Variants in SLC37A1 observed in about 807,000 individuals in gnomAD.
The protein encoded by SLC37A1 is solute carrier family 37 member 1, also known as glucose-6-phosphate exchanger SLC37A1.
SLC37A1 carries 49 observed loss-of-function variants against 75.3 expected under a neutral mutation model. That is an observed-to-expected ratio of 0.65 (90% CI 0.52 to 0.83). The LOEUF (loss-of-function observed/expected upper bound fraction) is 0.83, where lower values mean the gene tolerates loss of function less well. Ranked by LOEUF, SLC37A1 falls within the 40% of genes least tolerant of loss-of-function variation. The pLI, the probability that SLC37A1 is intolerant of heterozygous loss-of-function variation, is 0.00. For synonymous variants in SLC37A1, 268 were observed against 292.1 expected (o/e 0.92, Z 0.84); for missense variants, 566 against 695.0 (o/e 0.81, Z 2.09).
chr21:42,501,542 C>G (rs2054341830), intron 1 of SLC37A1, among the ~76,000 whole-genome samples: 1 of 152,182 alleles, frequency 6.6e-6, no homozygotes, highest in East Asian at 1.9e-4. Flanking sequence ...GAAACCCTGT[C>G]TCTACTAAAA....
intron 3 of SLC37A1, among the ~76,000 whole-genome samples, chr21:42,530,455 C>T (rs1380193903): frequency 1.3e-5 from 2 of 152,138 alleles, no homozygotes; most frequent in Admixed American, 6.5e-5. Context: ...ACTGTAATTG[C>T]TCTTCCAGGA....
chr21:42,538,918 C>T (rs77953941), intron 5 of SLC37A1, among the ~76,000 whole-genome samples: 2,260 of 152,308 alleles, frequency 0.015, 56 homozygotes, highest in African/African-American at 0.051. Context: ...AGAGATGCCA[C>T]CCCAGCATTT....
chr21:42,562,644 T>G (rs573171318), intron 12 of SLC37A1, among the ~76,000 whole-genome samples: 46 of 147,512 alleles, frequency 3.1e-4, no homozygotes, highest in African/African-American at 1.1e-3. Context: ...AGCTATAGAT[T>G]ATCAGAAAAC....
chr21:42,531,601 A>G (rs1456001524), intron 3 of SLC37A1, among the ~76,000 whole-genome samples: 3 of 152,164 alleles, frequency 2.0e-5, no homozygotes, highest in Non-Finnish European at 2.9e-5. Flanking sequence ...CCCCTCCCCA[A>G]GTATTTCCGC....
chr21:42,513,094 G>GGGGCCGA (rs1283360703), upstream of SLC37A1, among the ~76,000 whole-genome samples: 2 of 152,236 alleles, frequency 1.3e-5, no homozygotes, highest in South Asian at 2.1e-4. Context: ...CCCGAGGAGT[G>GGGGCCGA]GGCTGGGAGC....
rs369118385 is a variant in SLC37A1 at position 42,543,023 on chromosome 21, G to A, written c.564-413G>A. Among the ~76,000 whole-genome samples, 99 of 152,370 alleles carry A rather than the reference G, an allele frequency of 6.5e-4. 1 individual carries two copies. Among genetic ancestry groups the A allele is most frequent in the African/African-American group, 2.3e-3 (94 of 41,582 alleles). Reference sequence around the variant, plus strand: ...CGGAAGCTAAAACGGGAACACCAGCGTCATCAGGTCTTAAGTCTTAGATAC... The same window carrying A: ...CGGAAGCTAAAACGGGAACACCAGCATCATCAGGTCTTAAGTCTTAGATAC... On this transcript the variant is annotated intron_variant, in intron 7 of 19. Coordinates refer to ENST00000352133, the MANE Select transcript of SLC37A1 (RefSeq NM_001320537.2).
At chr21:42,576,797 C>T (rs915036080) in intron 18 of SLC37A1, among the ~76,000 whole-genome samples, 10 of 151,894 alleles carry the variant, frequency 6.6e-5, no homozygotes, top group South Asian at 2.1e-4. Context: ...AATTAGATAC[C>T]GCTGAAGAGA....
At position 42,577,101 on chromosome 21, in the gene SLC37A1, G is replaced by A. The variant is rs368854671; in HGVS notation, c.1521+2186G>A. ...ACTTGCACACAAGAGTAAGGGTGAA[G>A]TGAAAACATTTTTAACCAAAGATGC... On this transcript the variant is annotated intron_variant, in intron 18 of 19. Transcript: ENST00000352133. Among the ~76,000 whole-genome samples, 106 of 152,308 alleles carry A rather than the reference G, an allele frequency of 7.0e-4. 1 individual carries two copies. Among genetic ancestry groups the A allele is most frequent in the African/African-American group, 2.4e-3 (101 of 41,564 alleles).
At chr21:42,532,158 C>T (rs1161991179) in intron 3 of SLC37A1, among the ~76,000 whole-genome samples, 1 of 152,122 alleles carries the variant, frequency 6.6e-6, no homozygotes, top group Non-Finnish European at 1.5e-5. Flanking sequence ...CTGCCGAAGC[C>T]TATATCCCTA....
Position 42,553,947 on chromosome 21 carries a change from T to C in SLC37A1, c.769-115T>C. The C allele has an allele frequency of 4.3e-6, 3 of 703,634 alleles. No individual in the cohort carries two copies. In the South Asian group the frequency reaches 6.3e-5, roughly 15 times the overall value. The allele number at this position is 703,634 out of a possible 1,614,324, so 43.6% of individuals were successfully genotyped here. A position where few individuals can be genotyped will look rare whatever the true frequency, so the allele number is the denominator to read the frequency against. On this transcript the variant is annotated intron_variant, in intron 9 of 19. Transcript: ENST00000352133. Reference sequence around the variant, plus strand: ...TATTCTGTTTAAATCAGTTGTCTTATGTCCTCTTGGTAGCTTTTTTGGGAC... The same window carrying C: ...TATTCTGTTTAAATCAGTTGTCTTACGTCCTCTTGGTAGCTTTTTTGGGAC...
intron 5 of SLC37A1, among the ~76,000 whole-genome samples, chr21:42,536,686 G>C (rs2055145416): frequency 6.6e-6 from 1 of 152,236 alleles, no homozygotes; most frequent in Non-Finnish European, 1.5e-5. Context: ...CTGTGAGATG[G>C]GTTAGCAGTG....
intron 9 of SLC37A1, among the ~76,000 whole-genome samples, chr21:42,551,513 T>C (rs1024184400): frequency 1.7e-4 from 26 of 152,246 alleles, no homozygotes; most frequent in Non-Finnish European, 1.0e-4. Flanking sequence ...GAAAATGTTC[T>C]CAAATTGTAG....
chr21:42,554,988 T>TG (rs1402943025), intron 10 of SLC37A1, among the ~76,000 whole-genome samples: 1 of 148,910 alleles, frequency 6.7e-6, no homozygotes, highest in African/African-American at 2.5e-5. Flanking sequence ...GGTTGTTTTT[T>TG]TTTTTTTTTT....
chr21:42,569,946 G>A (rs1357309933), intron 17 of SLC37A1, among the ~76,000 whole-genome samples: 2 of 152,054 alleles, frequency 1.3e-5, no homozygotes, highest in Admixed American at 6.5e-5. Context: ...CCACGCTGCT[G>A]CTGCTGCGTT....
intron 9 of SLC37A1, among the ~76,000 whole-genome samples, chr21:42,551,752 A>T (rs2055562627): frequency 6.6e-6 from 1 of 152,164 alleles, no homozygotes; most frequent in African/African-American, 2.4e-5. Context: ...CTGATTGGTT[A>T]ATTTAATGTG....
At chr21:42,529,619 A>G (rs145822301) in intron 3 of SLC37A1, among the ~76,000 whole-genome samples, 79 of 152,376 alleles carry the variant, frequency 5.2e-4, no homozygotes, top group African/African-American at 1.7e-3. Flanking sequence ...TACAAATCCA[A>G]GAAGAAAATT....
upstream of SLC37A1, among the ~76,000 whole-genome samples, chr21:42,510,781 TAAAG>T (rs1180000002): frequency 6.6e-6 from 1 of 152,140 alleles, no homozygotes; most frequent in Non-Finnish European, 1.5e-5. Flanking sequence ...TATATCATGA[TAAAG>T]AGATAAATTC....
rs540054475 is a variant in SLC37A1, at chr21:42,520,967, G to A, written c.56+2457G>A. Among the ~76,000 whole-genome samples the A allele has an allele frequency of 1.1e-3, 173 of 152,250 alleles. 2 individuals are homozygous for A. The highest frequency in any genetic ancestry group is 3.8e-3 in the African/African-American group (156 of 41,544). ...TAGCCCATTGAATAGCGTAAGATTCGGCGAGTCCTACTGATATAACTAAAG... is the reference window on the plus strand; with the variant it reads ...TAGCCCATTGAATAGCGTAAGATTCAGCGAGTCCTACTGATATAACTAAAG... On this transcript the variant is annotated intron_variant, in intron 2 of 19. Transcript: ENST00000352133.
chr21:42,545,815 C>T lies in SLC37A1; in HGVS notation c.731-1288C>T, dbSNP rs2055394025. ...CTGCCCAACATGCCGACCATGTGTC[C>T]TTGGTCAGTGGCCTCGCCCTATGGG... On this transcript the variant is annotated intron_variant, in intron 8 of 19. Transcript: ENST00000352133. The surrounding 1 kb of genome is among the most constrained non-coding windows in gnomAD (Gnocchi z 4.0). Among the ~76,000 whole-genome samples, 1 of 152,262 alleles carries T rather than the reference C, an allele frequency of 6.6e-6. No homozygotes were observed. Among genetic ancestry groups the T allele is most frequent in the African/African-American group, 2.4e-5 (1 of 41,476 alleles).
Sources: allele counts gnomAD v4.1 joint callset (sites outside exome capture counted in the v4.1 genomes callset), GRCh38; gene constraint gnomAD v4.1.1; non-coding constraint Gnocchi (gnomAD v3.1); transcripts MANE v1.5; gene names NCBI Gene and HGNC (gene_info 2026-07-23, HGNC 2026-07-21).